VPS13B: variants seen among roughly 807,000 people sequenced by gnomAD.
VPS13B encodes vacuolar protein sorting 13 homolog B.
Under a neutral mutation model 426.4 loss-of-function variants are expected in VPS13B, and 285 were observed. That is an observed-to-expected ratio of 0.67 (90% CI 0.61 to 0.74). VPS13B has a LOEUF of 0.74. VPS13B is among the 30% of genes least tolerant of loss of function. VPS13B has a pLI of 0.00. For synonymous variants in VPS13B, 1,676 were observed against 1,676.4 expected (o/e 1.00, Z 0.01); for missense variants, 4,537 against 4,782.6 (o/e 0.95, Z 1.51).
At chr8:99,397,596 A>G (rs1814804445) in intron 21 of VPS13B, among the ~76,000 whole-genome samples, 2 of 152,190 alleles carry the variant, frequency 1.3e-5, no homozygotes, top group African/African-American at 4.8e-5. Flanking sequence ...AACAAGATCC[A>G]ATTTTGTCTC....
intron 19 of VPS13B, among the ~76,000 whole-genome samples, chr8:99,288,510 AATAT>A (rs1819561511): frequency 6.6e-6 from 1 of 151,976 alleles, no homozygotes; most frequent in Admixed American, 6.6e-5. Context: ...ATTTTTAAAG[AATAT>A]ATATACCCTG....
At chr8:99,342,968 GT>G (rs1393931503) in intron 19 of VPS13B, among the ~76,000 whole-genome samples, 4 of 151,880 alleles carry the variant, frequency 2.6e-5, no homozygotes, top group Admixed American at 6.6e-5. Context: ...TCTCATTGTG[GT>G]TTTAGTTTGC....
chr8:99,280,828 C>A (rs377628920), intron 19 of VPS13B, among the ~76,000 whole-genome samples: 1 of 152,282 alleles, frequency 6.6e-6, no homozygotes, highest in South Asian at 2.1e-4. Context: ...ATATACCTGA[C>A]AACACATATT....
At chr8:99,485,551 C>T (rs1433192580) in intron 25 of VPS13B, among the ~76,000 whole-genome samples, 1 of 152,052 alleles carries the variant, frequency 6.6e-6, no homozygotes, top group Non-Finnish European at 1.5e-5. Context: ...TTTCTGCTTA[C>T]CACAGATACA....
intron 19 of VPS13B, among the ~76,000 whole-genome samples, chr8:99,301,002 C>G (rs1820334755): frequency 6.6e-6 from 1 of 150,872 alleles, no homozygotes; most frequent in Non-Finnish European, 1.5e-5. Flanking sequence ...TCGCTTGAGC[C>G]CCAGGAATTT....
At chr8:99,139,160 G>A (rs1810248032) in intron 12 of VPS13B, among the ~76,000 whole-genome samples, 1 of 152,032 alleles carries the variant, frequency 6.6e-6, no homozygotes. Flanking sequence ...TATTCTCCAC[G>A]CACACCAAGA....
chr8:99,629,365 A>C (rs1828744944), intron 33 of VPS13B, among the ~76,000 whole-genome samples: 1 of 152,212 alleles, frequency 6.6e-6, no homozygotes, highest in Non-Finnish European at 1.5e-5. Context: ...ATTTATGTGC[A>C]TTGTGCCCAA....
At chr8:99,719,204 T>C (rs1833039900) in intron 37 of VPS13B, among the ~76,000 whole-genome samples, 1 of 152,230 alleles carries the variant, frequency 6.6e-6, no homozygotes, top group Non-Finnish European at 1.5e-5. Context: ...TCTGTTTACA[T>C]GACCAAGTGC....
intron 16 of VPS13B, 61 bp from the exon 17 acceptor site, chr8:99,192,815 G>A: frequency 6.3e-7 from 1 of 1,580,578 alleles, no homozygotes; most frequent in Non-Finnish European, 8.6e-7. Flanking sequence ...AAGTCATTTA[G>A]TATTTTGTTG....
intron 3 of VPS13B, among the ~76,000 whole-genome samples, chr8:99,080,786 T>C (rs892198865): frequency 6.6e-6 from 1 of 152,214 alleles, no homozygotes; most frequent in Non-Finnish European, 1.5e-5. Flanking sequence ...TCCTTAGCTG[T>C]CTTAGCATTA....
intron 2 of VPS13B, among the ~76,000 whole-genome samples, chr8:99,028,911 GC>G (rs1457548305): frequency 1.9e-5 from 2 of 104,678 alleles, no homozygotes; most frequent in Non-Finnish European, 3.9e-5. Context: ...CGGGGTGGCT[GC>G]CGGGCGGAGA....
At position 99,511,135 on chromosome 8, in the gene VPS13B, A is replaced by G. The variant is rs1189900037; in HGVS notation, c.4256A>G (p.Gln1419Arg). Residue 1419 changes from glutamine to arginine, a missense_variant, in exon 29 of 62, where the codon CAG (glutamine) becomes CGG (arginine). By Grantham distance (43) the Gln-to-Arg change is conservative. Transcript: ENST00000357162. Reference sequence around the variant, plus strand: ...ACAAAACTTCTAGATGGCACTCATCAGCAGCATGGATTCCTCTCTCTGACA... The same window carrying G: ...ACAAAACTTCTAGATGGCACTCATCGGCAGCATGGATTCCTCTCTCTGACA... ...TTTKLLDGTH[Q>R]QHGFLSLTYT... 4.3e-5 allele frequency: 69 copies of G among 1,613,656 alleles called. No individual in the cohort carries two copies. The highest frequency in any genetic ancestry group is 5.8e-5 in the Non-Finnish European group (69 of 1,180,002).
intron 3 of VPS13B, among the ~76,000 whole-genome samples, chr8:99,084,069 C>T (rs201297728): frequency 7.9e-5 from 12 of 152,104 alleles, no homozygotes; most frequent in East Asian, 1.9e-4. Context: ...AGAATTCGGC[C>T]GTGAATCCAT....
In VPS13B at chr8:99,212,473, A is replaced by T. The variant is rs370805709; in HGVS notation, c.2515+19416A>T. On this transcript the variant is annotated intron_variant, in intron 17 of 61. Coordinates refer to ENST00000357162, the MANE Select transcript of VPS13B (RefSeq NM_152564.5). ...AGCCTATGAGATCTGCAACTGTTGC[A>T]ATCATTGTGTTATCATTACATTACA... Among the ~76,000 whole-genome samples, 68 of 152,316 alleles carry T rather than the reference A, an allele frequency of 4.5e-4. 1 individual carries two copies. The highest frequency in any genetic ancestry group is 1.5e-3 in the African/African-American group (64 of 41,566).
chr8:99,334,905 G>A lies in VPS13B; in HGVS notation c.2825-49303G>A, dbSNP rs192695441. Among the ~76,000 whole-genome samples, 26 of 152,040 alleles carry A rather than the reference G, an allele frequency of 1.7e-4. No homozygotes were observed. In the South Asian group the frequency reaches 1.9e-3, roughly 11 times the overall value. ...GTTAGGGAGGATTCCCTCTTTTTCT[G>A]TTGATTGGAATAGTTTCAGAAGGAA... On this transcript the variant is annotated intron_variant, in intron 19 of 61. Transcript: ENST00000357162.
At chr8:99,031,389 T>C (rs953889068) in intron 2 of VPS13B, among the ~76,000 whole-genome samples, 5 of 152,230 alleles carry the variant, frequency 3.3e-5, no homozygotes, top group Non-Finnish European at 7.3e-5. Flanking sequence ...TCAGGTATTT[T>C]ATAGGTTTGT....
In VPS13B at chr8:99,170,096, C is replaced by T; in HGVS notation, c.2266C>T (p.Pro756Ser). The change falls in exon 16 of 62, where the codon CCT becomes TCT. Residue 756 changes from proline to serine, a missense_variant. Coordinates refer to ENST00000357162, the MANE Select transcript of VPS13B (RefSeq NM_152564.5). ...SLDCSGSYCL[P>S]VPVIPSFSTA... ...GGATTGCAGTGGATCTTACTGCTTA[C>T]CTGTACCAGTTATTCCCTCTTTCAG... is the stretch of plus-strand genomic sequence containing the variant. The T allele has an allele frequency of 1.9e-6, 3 of 1,612,972 alleles. No individual in the cohort carries two copies. The highest frequency in any genetic ancestry group is 2.5e-6 in the Non-Finnish European group (3 of 1,179,108).
intron 19 of VPS13B, among the ~76,000 whole-genome samples, chr8:99,277,312 T>C (rs1009258059): frequency 2.0e-5 from 3 of 152,122 alleles, no homozygotes; most frequent in African/African-American, 4.8e-5. Flanking sequence ...ATTCACATAG[T>C]TTATTTATGG....
chr8:99,640,693 A>T (rs1345947264), intron 33 of VPS13B, among the ~76,000 whole-genome samples: 1 of 152,190 alleles, frequency 6.6e-6, no homozygotes, highest in African/African-American at 2.4e-5. Context: ...CTAACACTAA[A>T]TGAAATGTTA....
Sources: gnomAD v4.1 joint callset for allele counts (sites outside exome capture counted in the v4.1 genomes callset) on GRCh38, gnomAD v4.1.1 for gene constraint, MANE v1.5 for transcripts, NCBI Gene and HGNC (gene_info 2026-07-23, HGNC 2026-07-21) for gene names.